The following CYP2C19 variants were observed in gnomAD, a reference collection of about 807,000 sequenced individuals.
The protein encoded by CYP2C19 is cytochrome P450 2C19.
CYP2C19 carries 59 observed loss-of-function variants against 40.9 expected under a neutral mutation model. That is an observed-to-expected ratio of 1.44 (90% CI 1.17 to 1.79). The LOEUF is 1.79. CYP2C19 is among the 40% of genes most tolerant of loss of function. CYP2C19 has a pLI of 0.00. For synonymous variants in CYP2C19, 253 were observed against 208.7 expected, an observed-to-expected ratio of 1.21 and a Z score of -1.83; for missense variants, 754 against 596.9, an observed-to-expected ratio of 1.26 and a Z score of -2.74.
In CYP2C19 at chr10:94,853,781, C is replaced by T. The variant is rs949144809; in HGVS notation, c.*867C>T. Among the ~76,000 whole-genome samples the T allele has an allele frequency of 1.3e-4, 19 of 151,888 alleles. No homozygotes were observed. Among genetic ancestry groups the T allele is most frequent in the Non-Finnish European group, 4.4e-5 (3 of 67,984 alleles). ...CAGGATGATCTCAATCTGCTGACCTCCTGATCTGCCTGCCTCAGCCTCCCA... is the reference window on the plus strand; with the variant it reads ...CAGGATGATCTCAATCTGCTGACCTTCTGATCTGCCTGCCTCAGCCTCCCA... On this transcript the variant is annotated 3_prime_UTR_variant, in exon 9 of 9. Transcript: ENST00000371321.
At position 94,762,738 on chromosome 10, in the gene CYP2C19, C is replaced by G. The variant is rs751710958; in HGVS notation, c.33C>G (p.Leu11=). The G allele has an allele frequency of 8.7e-6, 14 of 1,613,776 alleles. No homozygotes were observed. Among genetic ancestry groups the G allele is most frequent in the Admixed American group, 1.7e-5 (1 of 59,998 alleles). Reference sequence around the variant, plus strand: ...CTTTTGTGGTCCTTGTGCTCTGTCTCTCATGTTTGCTTCTCCTTTCAATCT... The same window carrying G: ...CTTTTGTGGTCCTTGTGCTCTGTCTGTCATGTTTGCTTCTCCTTTCAATCT... MDPFVVLVLC[L]SCLLLLSIWR... Residue 11 remains leucine, a synonymous_variant, in exon 1 of 9, where the codon CTC becomes CTG. Coordinates refer to ENST00000371321, the MANE Select transcript of CYP2C19 (RefSeq NM_000769.4).
At chr10:94,830,213 C>G (rs181099638) in intron 6 of CYP2C19, among the ~76,000 whole-genome samples, 3 of 152,232 alleles carry the variant, frequency 2.0e-5, no homozygotes, top group African/African-American at 7.2e-5. Flanking sequence ...GCTTTGTTTA[C>G]GTAATCAAGC....
chr10:94,813,287 T>C (rs1210857358), intron 5 of CYP2C19, among the ~76,000 whole-genome samples: 2 of 151,970 alleles, frequency 1.3e-5, no homozygotes, highest in African/African-American at 4.8e-5. Context: ...AAAGCTCTTT[T>C]GTATGAGGTG....
intron 8 of CYP2C19, among the ~76,000 whole-genome samples, chr10:94,851,839 TTA>T (rs1349604783): frequency 6.6e-6 from 1 of 152,176 alleles, no homozygotes; most frequent in Non-Finnish European, 1.5e-5. Context: ...GCACTGGGTA[TTA>T]TGTTTCAACA....
In CYP2C19 at chr10:94,828,835, A is replaced by C. The variant is rs375606759; in HGVS notation, c.961+8198A>C. The stretch of plus-strand genomic sequence containing the variant: ...CCTTTCCATGATTAGTGCTTCCTTC[A>C]GGAGTTCTTGTAAGGCAGGCCTGGT... On this transcript the variant is annotated intron_variant, in intron 6 of 8. Transcript: ENST00000371321. Among the ~76,000 whole-genome samples, 24 of 152,134 alleles carry C rather than the reference A, an allele frequency of 1.6e-4. No individual in the cohort carries two copies. In the East Asian group the frequency reaches 3.3e-3, roughly 21 times the overall value.
intron 6 of CYP2C19, among the ~76,000 whole-genome samples, chr10:94,824,462 A>T (rs908942194): frequency 2.0e-5 from 3 of 152,194 alleles, no homozygotes; most frequent in African/African-American, 7.2e-5. Context: ...GTGAGAATGA[A>T]GAGAATACCA....
chr10:94,849,328 T>G (rs1233632103), intron 7 of CYP2C19, among the ~76,000 whole-genome samples: 1 of 151,956 alleles, frequency 6.6e-6, no homozygotes, highest in African/African-American at 2.4e-5. Context: ...TTTATTTATT[T>G]ATTTATTTAT....
chr10:94,770,649 T>C (rs1216344158), intron 1 of CYP2C19, among the ~76,000 whole-genome samples: 1 of 152,194 alleles, frequency 6.6e-6, no homozygotes, highest in Non-Finnish European at 1.5e-5. Flanking sequence ...ATTGACCTTC[T>C]AGTCAGTTGG....
intron 6 of CYP2C19, among the ~76,000 whole-genome samples, chr10:94,842,598 G>A (rs530538576): frequency 6.6e-6 from 1 of 151,514 alleles, no homozygotes; most frequent in East Asian, 1.9e-4. Flanking sequence ...TTCCTTTATT[G>A]ATAATAATTT....
chr10:94,787,869 C>G (rs139523821), intron 5 of CYP2C19, among the ~76,000 whole-genome samples: 2 of 151,922 alleles, frequency 1.3e-5, no homozygotes, highest in African/African-American at 4.8e-5. Flanking sequence ...TGGTTTCAAA[C>G]GAATTTTAGA....
At chr10:94,830,451 A>T (rs899560486) in intron 6 of CYP2C19, among the ~76,000 whole-genome samples, 1 of 152,170 alleles carries the variant, frequency 6.6e-6, no homozygotes, top group Non-Finnish European at 1.5e-5. Context: ...TCTTTGACTC[A>T]GAAAGGGAAC....
intron 6 of CYP2C19, among the ~76,000 whole-genome samples, chr10:94,831,213 CT>C (rs201682436): frequency 6.6e-6 from 1 of 152,034 alleles, no homozygotes; most frequent in East Asian, 1.9e-4. Flanking sequence ...GAATCTCATT[CT>C]TTTTTTATGG....
intron 6 of CYP2C19, among the ~76,000 whole-genome samples, chr10:94,826,299 G>A (rs945672210): frequency 2.0e-5 from 3 of 152,096 alleles, no homozygotes; most frequent in African/African-American, 7.3e-5. Flanking sequence ...AGCATGGAAT[G>A]TTCTTCCATT....
At chr10:94,816,625 T>C (rs903941369) in intron 5 of CYP2C19, among the ~76,000 whole-genome samples, 1 of 151,848 alleles carries the variant, frequency 6.6e-6, no homozygotes, top group Non-Finnish European at 1.5e-5. Flanking sequence ...ATGTGCACAT[T>C]GTGCAGGTTA....
In CYP2C19 at chr10:94,786,008, C is replaced by T. The variant is rs115722078; in HGVS notation, c.819+4011C>T. ...TATATAAATCAGACACTGCCTTTTC[C>T]GGCCTGCCTATAAAATCTGCTGTGG... On this transcript the variant is annotated intron_variant, in intron 5 of 8. Transcript: ENST00000371321. Among the ~76,000 whole-genome samples the T allele has an allele frequency of 3.1e-3, 469 of 152,128 alleles. 3 individuals carry two copies. Among genetic ancestry groups the T allele is most frequent in the African/African-American group, 0.011 (446 of 41,530 alleles).
intron 6 of CYP2C19, among the ~76,000 whole-genome samples, chr10:94,821,695 G>A (rs1036758852): frequency 3.3e-5 from 5 of 152,040 alleles, no homozygotes; most frequent in African/African-American, 1.2e-4. Flanking sequence ...TTTCCCCTGT[G>A]TCAGTATCCC....
intron 1 of CYP2C19, among the ~76,000 whole-genome samples, chr10:94,771,743 C>G (rs550645582): frequency 6.6e-6 from 1 of 152,214 alleles, no homozygotes; most frequent in East Asian, 1.9e-4. Context: ...CCCTGCTGAT[C>G]AGAATAGTTG....
In CYP2C19 at chr10:94,839,439, G is replaced by A. The variant is rs1849456160; in HGVS notation, c.962-3398G>A. ...AAGGGGTCCGGGCTGCTGGGTTCTAGTGGTCCTTTACCAGCATGCCTAACA... is the reference window on the plus strand; with the variant it reads ...AAGGGGTCCGGGCTGCTGGGTTCTAATGGTCCTTTACCAGCATGCCTAACA... On this transcript the variant is annotated intron_variant, in intron 6 of 8. Coordinates refer to ENST00000371321, the MANE Select transcript of CYP2C19 (RefSeq NM_000769.4). Among the ~76,000 whole-genome samples, 2 of 152,220 alleles carry A rather than the reference G, an allele frequency of 1.3e-5. 1 individual carries two copies. Among genetic ancestry groups the A allele is most frequent in the Admixed American group, 1.3e-4 (2 of 15,290 alleles).
chr10:94,827,308 G>A lies in CYP2C19; in HGVS notation c.961+6671G>A, dbSNP rs1849243754. 3.9e-5 allele frequency among the ~76,000 whole-genome samples: 6 copies of A among 152,042 alleles called. No homozygotes were observed. In the South Asian group the frequency reaches 1.2e-3, roughly 32 times the overall value. On this transcript the variant is annotated intron_variant, in intron 6 of 8. Transcript: ENST00000371321. ...GTCTGGTCCTGGACTCTTTTTGGTT[G>A]GTAAGCTATTGATTATTGCCACAAT...
Sources: allele counts gnomAD v4.1 joint callset (sites outside exome capture counted in the v4.1 genomes callset), GRCh38; gene constraint gnomAD v4.1.1; transcripts MANE v1.5; gene names NCBI Gene and HGNC (gene_info 2026-07-23, HGNC 2026-07-21).